The following STON1 variants were observed in gnomAD, a reference collection of about 807,000 sequenced individuals.
The protein encoded by STON1 is stonin-1.
A neutral mutation model predicts 60.9 loss-of-function variants in STON1; 79 were observed. The ratio of observed to expected loss-of-function variants is 1.30; its 90% confidence interval spans 1.08 to 1.56. The LOEUF is 1.56. STON1 is among the 40% of genes most tolerant of loss of function. STON1 has a pLI of 0.00. For synonymous variants in STON1, 363 were observed against 306.9 expected, an observed-to-expected ratio of 1.18 and a Z score of -1.91; for missense variants, 1,166 against 858.9, an observed-to-expected ratio of 1.36 and a Z score of -4.47.
At chr2:48,547,854 C>T (rs1303646665) in intron 1 of STON1, among the ~76,000 whole-genome samples, 3 of 152,216 alleles carry the variant, frequency 2.0e-5, no homozygotes, top group Non-Finnish European at 4.4e-5. Flanking sequence ...AGGTCTCCTT[C>T]ATTGGAAGAG....
At position 48,582,504 on chromosome 2, in the gene STON1, A is replaced by G; in HGVS notation, c.1871A>G (p.Tyr624Cys). 1 of 1,614,184 alleles carries G rather than the reference A, an allele frequency of 6.2e-7. No homozygotes were observed. The highest frequency in any genetic ancestry group is 1.1e-5 in the South Asian group (1 of 91,078). The change falls in exon 2 of 4, where the codon TAT (tyrosine) becomes TGT (cysteine). Residue 624 changes from tyrosine (Y) to cysteine (C), a missense_variant. By Grantham distance (194) the Tyr-to-Cys change is radical. Coordinates refer to ENST00000404752, the MANE Select transcript of STON1 (RefSeq NM_006873.4). ...VIQVTVGSAK[Y>C]ESAYQAVVWK... ...CAAGTCACTGTGGGGTCAGCAAAAT[A>G]TGAGAGTGCCTACCAGGCAGTGGTA...
intron 2 of STON1, among the ~76,000 whole-genome samples, chr2:48,584,225 T>G (rs1674069071): frequency 6.6e-6 from 1 of 152,028 alleles, no homozygotes; most frequent in African/African-American, 2.4e-5. Flanking sequence ...AGAGGAAGCA[T>G]TTTTCTTTGG....
chr2:48,544,778 C>G (rs1406908826), intron 1 of STON1, among the ~76,000 whole-genome samples: 1 of 152,186 alleles, frequency 6.6e-6, no homozygotes, highest in Non-Finnish European at 1.5e-5. Flanking sequence ...AACTCCTGAC[C>G]TCAAGTGATC....
chr2:48,595,103 G>C (rs1168028976), intron 3 of STON1, 125 bp from the exon 4 acceptor site: 1 of 744,648 alleles, frequency 1.3e-6, no homozygotes, highest in East Asian at 2.8e-5. Context: ...AGGGTAGAGG[G>C]CTGTGTCTGT....
intron 1 of STON1, among the ~76,000 whole-genome samples, chr2:48,565,350 C>T (rs1672895951): frequency 6.6e-6 from 1 of 152,176 alleles, no homozygotes; most frequent in Non-Finnish European, 1.5e-5. Flanking sequence ...CCGCGCCCAG[C>T]CTCCGACTTC....
intron 2 of STON1, among the ~76,000 whole-genome samples, chr2:48,588,571 G>T (rs1228829139): frequency 6.6e-6 from 1 of 152,100 alleles, no homozygotes; most frequent in Non-Finnish European, 1.5e-5. Context: ...GGCTGGTCTC[G>T]AACTTCTCAG....
chr2:48,580,550 A>G (rs1245935326), intron 1 of STON1, 37 bp from the exon 2 acceptor site: 2 of 1,313,964 alleles, frequency 1.5e-6, no homozygotes, highest in Non-Finnish European at 2.0e-6. Context: ...CCTTCATTTT[A>G]TATACCTATT....
At chr2:48,583,941 G>A (rs1354533316) in intron 2 of STON1, among the ~76,000 whole-genome samples, 1 of 151,776 alleles carries the variant, frequency 6.6e-6, no homozygotes, top group Non-Finnish European at 1.5e-5. Context: ...AGTAGAGACA[G>A]GGTTTCACCA....
At chr2:48,539,818 A>T (rs1341128243) in intron 1 of STON1, among the ~76,000 whole-genome samples, 1 of 152,068 alleles carries the variant, frequency 6.6e-6, no homozygotes, top group African/African-American at 2.4e-5. Context: ...CAAATTTTAT[A>T]GGCCACTCAT....
chr2:48,544,233 TAAG>T (rs1671773369), intron 1 of STON1, among the ~76,000 whole-genome samples: 1 of 152,138 alleles, frequency 6.6e-6, no homozygotes, highest in Non-Finnish European at 1.5e-5. Flanking sequence ...CATGACTTCT[TAAG>T]GAGAGGAAAA....
Position 48,591,723 on chromosome 2 carries a change from G to T in STON1, c.2001G>T (p.Trp667Cys), listed in dbSNP as rs1300908948. Reference sequence around the variant, plus strand: ...CAGACCAAGAAATTCCCTCTGATTGGTATCCATTTGCTACTGTTCAGTTTT... The same window carrying T: ...CAGACCAAGAAATTCCCTCTGATTGTTATCCATTTGCTACTGTTCAGTTTT... ...LGSDQEIPSD[W>C]YPFATVQFSV... The change falls in exon 3 of 4, where the codon TGG (tryptophan) becomes TGT (cysteine). Residue 667 changes from tryptophan to cysteine, a missense_variant. By Grantham distance (215) the Trp-to-Cys change is radical. Transcript: ENST00000404752. 6.2e-7 allele frequency: 1 copy of T among 1,614,060 alleles called. No individual in the cohort carries two copies. The highest frequency in any genetic ancestry group is 8.5e-7 in the Non-Finnish European group (1 of 1,180,012).
intron 1 of STON1, among the ~76,000 whole-genome samples, chr2:48,542,971 CTTTTTTTT>C (rs761874001): frequency 2.8e-5 from 3 of 105,494 alleles, no homozygotes; most frequent in Non-Finnish European, 3.8e-5. Flanking sequence ...AATATCTTGA[CTTTTTTTT>C]TTTTTTTTTT....
chr2:48,589,701 G>A (rs548687066), intron 2 of STON1, among the ~76,000 whole-genome samples: 5 of 152,160 alleles, frequency 3.3e-5, no homozygotes, highest in East Asian at 1.9e-4. Flanking sequence ...AATTTTCATC[G>A]TAAAATTTCC....
intron 1 of STON1, among the ~76,000 whole-genome samples, chr2:48,532,743 G>C (rs1671264073): frequency 6.6e-6 from 1 of 152,116 alleles, no homozygotes; most frequent in Non-Finnish European, 1.5e-5. Context: ...AGGCCACGGG[G>C]GCCTGGACCT....
At chr2:48,571,672 A>T (rs1463631740) in intron 1 of STON1, among the ~76,000 whole-genome samples, 3 of 152,220 alleles carry the variant, frequency 2.0e-5, no homozygotes, top group Non-Finnish European at 4.4e-5. Context: ...TAACAGACCA[A>T]GGCTCTGGAC....
intron 1 of STON1, among the ~76,000 whole-genome samples, chr2:48,566,198 T>TG: frequency 6.6e-6 from 1 of 152,264 alleles, no homozygotes; most frequent in South Asian, 2.1e-4. Flanking sequence ...TTTTTTGAGA[T>TG]GGAGTTTCAC....
intron 1 of STON1, among the ~76,000 whole-genome samples, chr2:48,546,854 C>T (rs1005032750): frequency 1.2e-4 from 19 of 152,196 alleles, no homozygotes; most frequent in African/African-American, 4.1e-4. Flanking sequence ...GTATGAGCTG[C>T]TGTGCCTGGC....
chr2:48,544,952 C>G (rs1421067859), intron 1 of STON1, among the ~76,000 whole-genome samples: 1 of 152,178 alleles, frequency 6.6e-6, no homozygotes, highest in East Asian at 1.9e-4. Context: ...GGAATCCCTC[C>G]TAGTGTAGCT....
chr2:48,587,921 TGGGATTACAGG>T (rs1337023066), intron 2 of STON1, among the ~76,000 whole-genome samples: 1 of 152,186 alleles, frequency 6.6e-6, no homozygotes, highest in African/African-American at 2.4e-5. Context: ...AGGACATTTC[TGGGATTACAGG>T]GCCCTGCCCC....
Sources: gnomAD v4.1 joint callset for allele counts (sites outside exome capture counted in the v4.1 genomes callset) on GRCh38, gnomAD v4.1.1 for gene constraint, MANE v1.5 for transcripts, NCBI Gene and HGNC (gene_info 2026-07-23, HGNC 2026-07-21) for gene names.